Variants in VCF1 observed in about 807,000 individuals in gnomAD.
VCF1 encodes protein VCF1.
chr17:73,207,955 C>G, the VCF1 span: 6 of 1,214,000 alleles, frequency 4.9e-6, no homozygotes, highest in Non-Finnish European at 6.2e-6. Flanking sequence ...AAAGCTCTTG[C>G]AAAAACCATC....
At chr17:73,230,296 T>A in the VCF1 span, among the ~76,000 whole-genome samples, 1 of 151,892 alleles carries the variant, frequency 6.6e-6, no homozygotes, top group African/African-American at 2.4e-5. Context: ...ACTCTGTCAA[T>A]CAATCAGTCA....
At chr17:73,227,397 C>T in the VCF1 span, 1 of 712,836 alleles carries the variant, frequency 1.4e-6, no homozygotes, top group Non-Finnish European at 2.1e-6. Flanking sequence ...TATGATATCC[C>T]AATAGGTTAT....
chr17:73,208,092 A>T, the VCF1 span: 2 of 1,439,796 alleles, frequency 1.4e-6, no homozygotes, highest in Non-Finnish European at 1.8e-6. Context: ...CCTTTTCCCA[A>T]GACAGTCCTC....
chr17:73,217,628 G>A, the VCF1 span, among the ~76,000 whole-genome samples: 2 of 150,774 alleles, frequency 1.3e-5, no homozygotes, highest in Admixed American at 6.6e-5. Context: ...CCAGCCTGGC[G>A]ACAGAGTGAG....
At chr17:73,232,116 G>A in the VCF1 span, 2 of 1,609,904 alleles carry the variant, frequency 1.2e-6, no homozygotes, top group Non-Finnish European at 8.5e-7. Flanking sequence ...CATGGCAGCT[G>A]GCGGATGGAA....
At chr17:73,223,470 G>C in the VCF1 span, among the ~76,000 whole-genome samples, 1 of 152,158 alleles carries the variant, frequency 6.6e-6, no homozygotes, top group Non-Finnish European at 1.5e-5. Context: ...AGAAGAGGCA[G>C]ATACTATTAT....
the VCF1 span, chr17:73,208,555 C>G: frequency 2.2e-6 from 3 of 1,380,300 alleles, no homozygotes; most frequent in East Asian, 6.8e-5. Context: ...TTTCCAGTTT[C>G]ACTGATGGAA....
chr17:73,218,758 G>A, the VCF1 span, among the ~76,000 whole-genome samples: 73,514 of 151,316 alleles, frequency 0.49, 18,075 homozygotes, highest in East Asian at 0.6. Context: ...AGTGGCTCAC[G>A]CCTGTAATCC....
chr17:73,215,899 A>C, the VCF1 span, among the ~76,000 whole-genome samples: 2 of 152,258 alleles, frequency 1.3e-5, no homozygotes, highest in East Asian at 3.9e-4. Context: ...GATAAGGAAG[A>C]ATTTTCACAG....
the VCF1 span, among the ~76,000 whole-genome samples, chr17:73,224,967 C>T: frequency 7.3e-5 from 5 of 68,364 alleles, 1 homozygote; most frequent in East Asian, 1.9e-3. Context: ...CAGGACAGCA[C>T]AGCACAGCAC....
At chr17:73,229,590 G>A in the VCF1 span, 2 of 985,208 alleles carry the variant, frequency 2.0e-6, no homozygotes, top group South Asian at 4.7e-5. Context: ...TATGGGCTGG[G>A]CACGGTGACT....
chr17:73,207,576 T>G, the VCF1 span: 1 of 773,080 alleles, frequency 1.3e-6, no homozygotes, highest in Non-Finnish European at 2.0e-6. Context: ...TTGTACTTGT[T>G]TGGAGAAAAT....
At chr17:73,230,951 G>A in the VCF1 span, among the ~76,000 whole-genome samples, 1 of 152,194 alleles carries the variant, frequency 6.6e-6, no homozygotes, top group Admixed American at 6.5e-5. Flanking sequence ...AATATCGTAA[G>A]TATAAACTGG....
chr17:73,227,858 C>T, the VCF1 span: 1 of 170,392 alleles, frequency 5.9e-6, no homozygotes, highest in Non-Finnish European at 1.2e-5. Context: ...AATCACACAT[C>T]TTTCTTAGGC....
the VCF1 span, among the ~76,000 whole-genome samples, chr17:73,226,395 CTAAT>C: frequency 6.6e-6 from 1 of 152,190 alleles, no homozygotes. Context: ...TTATCAGGAA[CTAAT>C]TAAAGTACAA....
the VCF1 span, among the ~76,000 whole-genome samples, chr17:73,211,398 G>A: frequency 5.3e-5 from 8 of 151,972 alleles, no homozygotes; most frequent in East Asian, 1.9e-4. Flanking sequence ...GTGAAACCCC[G>A]TATCAATTAA....
At chr17:73,207,585 A>G in the VCF1 span, 21 of 828,688 alleles carry the variant, frequency 2.5e-5, no homozygotes, top group Non-Finnish European at 3.7e-5. Context: ...TTTGGAGAAA[A>G]TCTGTTTTGT....
At chr17:73,213,854 C>T in the VCF1 span, among the ~76,000 whole-genome samples, 5 of 152,130 alleles carry the variant, frequency 3.3e-5, no homozygotes, top group Non-Finnish European at 7.4e-5. Flanking sequence ...CCTGTAGTCC[C>T]AGCTTCTCAG....
At chr17:73,227,220 G>C in the VCF1 span, 16 of 1,585,652 alleles carry the variant, frequency 1.0e-5, no homozygotes, top group East Asian at 2.3e-5. Context: ...TTTGGTCTGG[G>C]GGGGAAGATG....
Sources: gnomAD v4.1 joint callset for allele counts (sites outside exome capture counted in the v4.1 genomes callset) on GRCh38, gnomAD v4.1.1 for gene constraint, MANE v1.5 for transcripts, NCBI Gene and HGNC (gene_info 2026-07-23, HGNC 2026-07-21) for gene names.